SLC35E4: variants seen among roughly 807,000 people sequenced by gnomAD.
SLC35E4 encodes the protein solute carrier family 35 member E4, also known as solute carrier family 35, member E4.
In SLC35E4, 15 loss-of-function variants were observed where a neutral mutation model predicts 19.3. The observed-to-expected ratio is 0.78, with a 90% CI of 0.52 to 1.20. The LOEUF (loss-of-function observed/expected upper bound fraction) is 1.20, where lower values mean the gene tolerates loss of function less well. Among genes scored for constraint, SLC35E4 ranks in the 50% most tolerant of loss-of-function variants. The pLI, the probability that SLC35E4 is intolerant of heterozygous loss-of-function variation, is 0.00. For missense variants in SLC35E4, 406 were observed against 472.3 expected (o/e 0.86, Z 1.30); for synonymous variants, 219 against 219.9 (o/e 1.00, Z 0.04).
At chr22:30,640,579 C>T (rs2088021213) in intron 1 of SLC35E4, among the ~76,000 whole-genome samples, 2 of 152,100 alleles carry the variant, frequency 1.3e-5, no homozygotes, top group Admixed American at 6.6e-5. Flanking sequence ...TGGCTTCCTG[C>T]CTTTCCTACT....
downstream of SLC35E4, chr22:30,663,527 A>G: frequency 5.0e-6 from 8 of 1,614,224 alleles, no homozygotes; most frequent in Non-Finnish European, 6.8e-6. Context: ...TGTTCTTGCC[A>G]AACAATTGGA....
At chr22:30,658,406 G>A (rs2088390307) in intron 2 of SLC35E4, among the ~76,000 whole-genome samples, 1 of 151,254 alleles carries the variant, frequency 6.6e-6, no homozygotes. Context: ...TTTGGGGGTA[G>A]CAGCAGTAAC....
At chr22:30,665,534 A>G (rs117531294), downstream of SLC35E4, 14,204 of 470,890 alleles carry the variant, frequency 0.03, 278 homozygotes, top group Non-Finnish European at 0.041. Context: ...CAGAAGTCTG[A>G]GGAGCCTTAA....
chr22:30,640,017 G>A (rs574281393), intron 1 of SLC35E4, among the ~76,000 whole-genome samples: 69 of 152,262 alleles, frequency 4.5e-4, no homozygotes, highest in African/African-American at 1.5e-3. Context: ...AAAGACAGGC[G>A]TAAGAAATTA....
chr22:30,638,902 G>T (rs1296592035), intron 1 of SLC35E4, among the ~76,000 whole-genome samples: 4 of 152,052 alleles, frequency 2.6e-5, no homozygotes, highest in Non-Finnish European at 5.9e-5. Flanking sequence ...GGAGAAGGAG[G>T]TTGCAGTGAG....
chr22:30,659,759 CT>C (rs1385196452), intron 2 of SLC35E4, among the ~76,000 whole-genome samples: 3 of 152,206 alleles, frequency 2.0e-5, no homozygotes, highest in African/African-American at 7.2e-5. Context: ...ACAAAGGAGA[CT>C]GCAGATGTAA....
chr22:30,650,703 A>G (rs1042319761), downstream of SLC35E4, among the ~76,000 whole-genome samples: 1 of 152,094 alleles, frequency 6.6e-6, no homozygotes, highest in African/African-American at 2.4e-5. Context: ...CCTCAGTCTT[A>G]TCACAGATGC....
chr22:30,654,406 G>A, intron 2 of SLC35E4: 1 of 454,676 alleles, frequency 2.2e-6, no homozygotes. Context: ...CCCCAGGTAG[G>A]CAAACTTTCT....
downstream of SLC35E4, chr22:30,665,028 G>A (rs2088597444): frequency 6.5e-6 from 1 of 152,698 alleles, no homozygotes; most frequent in Non-Finnish European, 1.5e-5. Context: ...CCGCGCCGCA[G>A]ACCGTGCAGT....
chr22:30,640,524 C>T (rs1490857621), intron 1 of SLC35E4, among the ~76,000 whole-genome samples: 1 of 152,144 alleles, frequency 6.6e-6, no homozygotes, highest in African/African-American at 2.4e-5. Flanking sequence ...AGGGCCGAGG[C>T]TCCAGGCCCA....
downstream of SLC35E4, among the ~76,000 whole-genome samples, chr22:30,666,416 T>A (rs1182660973): frequency 6.6e-6 from 1 of 150,842 alleles, no homozygotes; most frequent in Non-Finnish European, 1.5e-5. Context: ...AGGTCAGGAG[T>A]TCAAGACCAG....
chr22:30,667,230 A>G, downstream of SLC35E4: 1 of 152,244 alleles, frequency 6.6e-6, no homozygotes, highest in East Asian at 1.9e-4. Flanking sequence ...GGACTTGTTC[A>G]GAACGAGTCA....
chr22:30,667,399 A>G (rs2088714529), downstream of SLC35E4: 1 of 152,290 alleles, frequency 6.6e-6, no homozygotes, highest in Admixed American at 6.5e-5. Flanking sequence ...TAGGTTTCCT[A>G]GGGGAGCTGG....
rs989788677 is a variant in SLC35E4 at position 30,635,810 on chromosome 22, T to G, written c.-641T>G. On this transcript the variant is annotated 5_prime_UTR_variant, in exon 1 of 2. Transcript: ENST00000343605. ...GTCGCAGCAGGAGCCGCAGCCGGAG[T>G]CACAGCCGCAGCCAGAGCCGCAGCC... is the stretch of plus-strand genomic sequence containing the variant. 1.9e-5 allele frequency: 3 copies of G among 155,550 alleles called. No individual in the cohort carries two copies. The highest frequency in any genetic ancestry group is 7.2e-5 in the African/African-American group (3 of 41,410). 9.6% of individuals were successfully genotyped at this position (155,550 alleles called of 1,614,324 possible).
At chr22:30,657,695 G>A (rs949074766) in intron 2 of SLC35E4, among the ~76,000 whole-genome samples, 1 of 151,518 alleles carries the variant, frequency 6.6e-6, no homozygotes, top group Non-Finnish European at 1.5e-5. Context: ...ACGAGGTCAG[G>A]AGATCGAGAC....
intron 1 of SLC35E4, among the ~76,000 whole-genome samples, chr22:30,643,258 CA>C (rs897581126): frequency 2.0e-5 from 3 of 152,180 alleles, no homozygotes; most frequent in Non-Finnish European, 4.4e-5. Context: ...CAGGCGGACT[CA>C]ACCCCTCTGA....
intron 2 of SLC35E4, among the ~76,000 whole-genome samples, chr22:30,657,853 A>C (rs2145598176): frequency 6.6e-6 from 1 of 150,986 alleles, no homozygotes; most frequent in Non-Finnish European, 1.5e-5. Flanking sequence ...GCAGTGAGCC[A>C]AGATCACGCC....
At chr22:30,663,633 G>C, downstream of SLC35E4, 1 of 1,614,242 alleles carries the variant, frequency 6.2e-7, no homozygotes, top group East Asian at 2.2e-5. Context: ...CAGGGACATG[G>C]CGTGGTACTT....
At chr22:30,651,367 A>ATTTTTTTTTTTTTTT (rs35299835), downstream of SLC35E4, among the ~76,000 whole-genome samples, 2 of 77,012 alleles carry the variant, frequency 2.6e-5, no homozygotes, top group African/African-American at 1.2e-4. Context: ...CACGTGGCTA[A>ATTTTTTTTTTTTTTT]TTTTTGTGTG....
Sources: gnomAD v4.1 joint callset for allele counts (sites outside exome capture counted in the v4.1 genomes callset) on GRCh38, gnomAD v4.1.1 for gene constraint, MANE v1.5 for transcripts, NCBI Gene and HGNC (gene_info 2026-07-23, HGNC 2026-07-21) for gene names.